CCSER2: variants seen among roughly 807,000 people sequenced by gnomAD.
CCSER2 encodes the protein serine-rich coiled-coil domain-containing protein 2.
In CCSER2, 46 loss-of-function variants were observed where a neutral mutation model predicts 92.3. That is an observed-to-expected ratio of 0.50 (90% confidence interval 0.39 to 0.64). The LOEUF (loss-of-function observed/expected upper bound fraction) is 0.64, where lower values mean the gene tolerates loss of function less well. Ranked by LOEUF, CCSER2 falls within the 30% of genes least tolerant of loss-of-function variation. CCSER2 has a pLI of 0.00. For missense variants in CCSER2, 1,244 were observed against 1,238.9 expected, an observed-to-expected ratio of 1.00 and a Z score of -0.06; for synonymous variants, 433 against 431.4, an observed-to-expected ratio of 1.00 and a Z score of -0.04.
intron 1 of CCSER2, among the ~76,000 whole-genome samples, chr10:84,336,494 TC>T (rs1843844741): frequency 1.3e-5 from 2 of 152,132 alleles, no homozygotes; most frequent in African/African-American, 2.4e-5. Context: ...TGAACAGAGA[TC>T]TTGAAGAAAG....
chr10:84,377,177 ACTTAC>A (rs1183691017), intron 3 of CCSER2, among the ~76,000 whole-genome samples: 1 of 152,138 alleles, frequency 6.6e-6, no homozygotes, highest in African/African-American at 2.4e-5. Flanking sequence ...TTGATATAGA[ACTTAC>A]CAATTTTGAT....
At position 84,516,058 on chromosome 10, in the gene CCSER2, T is replaced by C. The variant is rs1200187825; in HGVS notation, c.*1791T>C. The C allele has an allele frequency of 1.3e-5, 2 of 152,248 alleles. No homozygotes were observed. The highest frequency in any genetic ancestry group is 4.8e-5 in the African/African-American group (2 of 41,458). 9.4% of individuals were successfully genotyped at this position (152,248 alleles called of 1,614,324 possible). On this transcript the variant is annotated 3_prime_UTR_variant, in exon 10 of 10. Transcript: ENST00000372088. ...ACCAAAAATATATCAAACAGGATTA[T>C]GGCCAAAAAGTCACTCAAATTTCTA...
intron 3 of CCSER2, among the ~76,000 whole-genome samples, chr10:84,414,000 G>A (rs1842775884): frequency 6.6e-6 from 1 of 152,018 alleles, no homozygotes; most frequent in South Asian, 2.1e-4. Flanking sequence ...CATTTGCTTG[G>A]TAAATATTCC....
intron 3 of CCSER2, among the ~76,000 whole-genome samples, chr10:84,400,581 T>C (rs1391873889): frequency 6.6e-6 from 1 of 152,216 alleles, no homozygotes; most frequent in East Asian, 1.9e-4. Context: ...TTCATTCTTT[T>C]GCCATTGGTT....
chr10:84,408,468 GT>G (rs1842480590), intron 3 of CCSER2, among the ~76,000 whole-genome samples: 2 of 150,614 alleles, frequency 1.3e-5, no homozygotes, highest in South Asian at 4.2e-4. Flanking sequence ...TTCCTTCCGT[GT>G]TCCTCTTCCC....
At chr10:84,358,044 C>T (rs1845285813) in intron 1 of CCSER2, among the ~76,000 whole-genome samples, 1 of 152,182 alleles carries the variant, frequency 6.6e-6, no homozygotes. Context: ...AAAGAACACA[C>T]ATGCCTCTTG....
In CCSER2 at chr10:84,425,808, C is replaced by G. The variant is rs1843400540; in HGVS notation, c.1783C>G (p.Pro595Ala). ...GCCTCAGGAAGGTTTTTGGAAAAGG[C>G]CACCCCAGAGGTGGAGTGGACAGGA... ...RQPQEGFWKR[P>A]PQRWSGQEHY... is the part of the protein sequence containing the mutation. The change falls in exon 5 of 10, where the codon CCA becomes GCA. Residue 595 changes from proline (P) to alanine (A), a missense_variant. By Grantham distance (27) the Pro-to-Ala change is conservative. Transcript: ENST00000372088. The G allele has an allele frequency of 6.2e-7, 1 of 1,613,324 alleles. No individual in the cohort carries two copies. Among genetic ancestry groups the G allele is most frequent in the Non-Finnish European group, 8.5e-7 (1 of 1,179,522 alleles).
At chr10:84,453,203 CACTT>C (rs1845404074) in intron 6 of CCSER2, among the ~76,000 whole-genome samples, 1 of 151,114 alleles carries the variant, frequency 6.6e-6, no homozygotes, top group Admixed American at 6.6e-5. Flanking sequence ...ATGGGGCTTT[CACTT>C]AATTTATTTC....
chr10:84,363,401 G>T (rs1845613932), intron 1 of CCSER2, among the ~76,000 whole-genome samples: 1 of 152,002 alleles, frequency 6.6e-6, no homozygotes, highest in African/African-American at 2.4e-5. Context: ...GTAACACAAG[G>T]TTAAAAAAAA....
intron 3 of CCSER2, chr10:84,392,176 A>G (rs1208263825): frequency 3.1e-5 from 17 of 541,814 alleles, no homozygotes; most frequent in Non-Finnish European, 4.7e-5. Flanking sequence ...ATACACTACA[A>G]TCTCAACCCT....
intron 6 of CCSER2, among the ~76,000 whole-genome samples, chr10:84,439,110 A>C (rs1166117601): frequency 6.6e-6 from 1 of 151,812 alleles, no homozygotes; most frequent in Non-Finnish European, 1.5e-5. Flanking sequence ...AGAAACAACA[A>C]TTTTTGCTTT....
intron 3 of CCSER2, among the ~76,000 whole-genome samples, chr10:84,395,720 A>T (rs1841789989): frequency 6.6e-6 from 1 of 152,204 alleles, no homozygotes; most frequent in Non-Finnish European, 1.5e-5. Flanking sequence ...GGTGAAGGAG[A>T]AAATAGCATG....
At chr10:84,512,416 G>GAGAGAGAGAGAGGGGGAGGA (rs1462155372) in intron 9 of CCSER2, among the ~76,000 whole-genome samples, 2 of 112,136 alleles carry the variant, frequency 1.8e-5, no homozygotes, top group Admixed American at 9.5e-5. Context: ...GAGAGAGAGA[G>GAGAGAGAGAGAGGGGGAGGA]GAGAGAGATA....
At chr10:84,422,532 G>A (rs890457455) in intron 4 of CCSER2, among the ~76,000 whole-genome samples, 4 of 151,964 alleles carry the variant, frequency 2.6e-5, no homozygotes, top group African/African-American at 9.7e-5. Flanking sequence ...CCTTCAGAAG[G>A]CCTATATTTT....
chr10:84,495,922 T>TTA (rs1211856320), intron 9 of CCSER2, among the ~76,000 whole-genome samples: 2 of 151,454 alleles, frequency 1.3e-5, no homozygotes, highest in Admixed American at 1.3e-4. Flanking sequence ...TTCAGCCCTT[T>TTA]ATATTTAATG....
At chr10:84,401,767 A>T (rs999553380) in intron 3 of CCSER2, among the ~76,000 whole-genome samples, 3 of 152,222 alleles carry the variant, frequency 2.0e-5, no homozygotes, top group Admixed American at 1.3e-4. Flanking sequence ...CCTCATTAAC[A>T]TCGTAGTGCA....
intron 1 of CCSER2, among the ~76,000 whole-genome samples, chr10:84,364,144 C>G (rs924127116): frequency 2.1e-4 from 32 of 152,112 alleles, no homozygotes; most frequent in Admixed American, 2.0e-4. Context: ...GAAAGTTGCT[C>G]TGGATGAGTT....
intron 9 of CCSER2, among the ~76,000 whole-genome samples, chr10:84,488,028 A>G (rs1016105570): frequency 2.0e-5 from 3 of 152,138 alleles, no homozygotes; most frequent in Admixed American, 6.5e-5. Context: ...TTCTGTTTAT[A>G]TGCTGGATTA....
intron 7 of CCSER2, among the ~76,000 whole-genome samples, chr10:84,467,532 A>G (rs1225385003): frequency 6.6e-6 from 1 of 152,108 alleles, no homozygotes; most frequent in Non-Finnish European, 1.5e-5. Context: ...TATTTAATGA[A>G]AAAACTGATA....
Sources: allele counts gnomAD v4.1 joint callset (sites outside exome capture counted in the v4.1 genomes callset), GRCh38; gene constraint gnomAD v4.1.1; transcripts MANE v1.5; gene names NCBI Gene and HGNC (gene_info 2026-07-23, HGNC 2026-07-21).